SRPRB: variants seen among roughly 807,000 people sequenced by gnomAD.
SRPRB encodes signal recognition particle receptor subunit beta.
In SRPRB, 20 loss-of-function variants were observed where a neutral mutation model predicts 31.9. That is an observed-to-expected ratio of 0.63 (90% CI 0.44 to 0.91). The LOEUF (loss-of-function observed/expected upper bound fraction) is 0.91, where lower values mean the gene tolerates loss of function less well. Ranked by LOEUF, SRPRB falls within the 40% of genes least tolerant of loss-of-function variation. The pLI, the probability that SRPRB is intolerant of heterozygous loss-of-function variation, is 0.00. For synonymous variants in SRPRB, 146 were observed against 132.8 expected, an observed-to-expected ratio of 1.10 and a Z score of -0.68; for missense variants, 321 against 324.9, an observed-to-expected ratio of 0.99 and a Z score of 0.09.
downstream of SRPRB, chr3:133,821,510 CTT>C (rs953147828): frequency 6.6e-6 from 1 of 152,120 alleles, no homozygotes. Context: ...CTCTCAGCCT[CTT>C]TTATTTTTTT....
At position 133,820,378 on chromosome 3, in the gene SRPRB, G is replaced by C. The variant is rs1935450846; in HGVS notation, c.*612G>C. 6.5e-6 allele frequency: 1 copy of C among 153,912 alleles called. No individual in the cohort carries two copies. Among genetic ancestry groups the C allele is most frequent in the African/African-American group, 2.4e-5 (1 of 41,460 alleles). 9.5% of individuals were successfully genotyped at this position (153,912 alleles called of 1,614,324 possible). A position where few individuals can be genotyped will look rare whatever the true frequency, so the allele number is the denominator to read the frequency against. ...TCGTCTTAGCACTTACGTTTCAAAAGCTTGTCACAAACCCTTGGAGTCATT... is the reference window on the plus strand; with the variant it reads ...TCGTCTTAGCACTTACGTTTCAAAACCTTGTCACAAACCCTTGGAGTCATT... On this transcript the variant is annotated 3_prime_UTR_variant, in exon 7 of 7. Transcript: ENST00000678299.
At chr3:133,807,716 T>A in intron 2 of SRPRB, 30 bp from the exon 3 acceptor site, 1 of 1,494,604 alleles carries the variant, frequency 6.7e-7, no homozygotes, top group Non-Finnish European at 9.3e-7. Flanking sequence ...ATTAAAATGT[T>A]GAATATCACC....
At chr3:133,815,848 T>A (rs866578113) in intron 5 of SRPRB, 122 bp downstream of exon 5, 2 of 1,193,354 alleles carry the variant, frequency 1.7e-6, no homozygotes, top group Middle Eastern at 2.5e-4. Flanking sequence ...TAAAGAACTA[T>A]AAATTGAAGG....
intron 6 of SRPRB, among the ~76,000 whole-genome samples, chr3:133,817,916 A>G (rs1935394518): frequency 6.6e-6 from 1 of 152,254 alleles, no homozygotes. Context: ...CCTGCAAGCC[A>G]AGAGTAAATC....
upstream of SRPRB, chr3:133,805,736 A>G: frequency 2.1e-6 from 3 of 1,397,238 alleles, no homozygotes; most frequent in Non-Finnish European, 2.8e-6. Flanking sequence ...GCCGCGGCTG[A>G]GGGAGAGACT....
At chr3:133,791,036 A>T (rs1335286191) in intron 1 of SRPRB, 1 of 152,172 alleles carries the variant, frequency 6.6e-6, no homozygotes, top group African/African-American at 2.4e-5. Flanking sequence ...GTGTATGCAC[A>T]TATAAAATCA....
chr3:133,790,415 G>T (rs145864710), intron 1 of SRPRB: 238 of 152,232 alleles, frequency 1.6e-3, no homozygotes, highest in African/African-American at 5.6e-3. Context: ...GTGAGAAAAA[G>T]AATAATTTAG....
chr3:133,828,518 T>G (rs909246364), downstream of SRPRB: 19 of 479,336 alleles, frequency 4.0e-5, no homozygotes, highest in Non-Finnish European at 7.0e-5. Flanking sequence ...TTTAAATTTT[T>G]TTTAAATTTT....
chr3:133,822,137 TAGA>T (rs368662552), downstream of SRPRB, among the ~76,000 whole-genome samples: 41 of 150,824 alleles, frequency 2.7e-4, no homozygotes, highest in African/African-American at 9.5e-4. Flanking sequence ...GTGGCCAGAG[TAGA>T]AGGATGGATG....
chr3:133,806,927 ATATT>A (rs1935174516), intron 2 of SRPRB, among the ~76,000 whole-genome samples: 1 of 151,788 alleles, frequency 6.6e-6, no homozygotes, highest in African/African-American at 2.4e-5. Flanking sequence ...CCAGATGCTG[ATATT>A]TAGTCTTTAT....
chr3:133,801,278 CAAGAACT>C (rs998283825), upstream of SRPRB, among the ~76,000 whole-genome samples: 3 of 152,170 alleles, frequency 2.0e-5, no homozygotes, highest in Non-Finnish European at 4.4e-5. Flanking sequence ...CTATTGGAAT[CAAGAACT>C]AAAAACTTAT....
chr3:133,804,554 A>G (rs1425537595), upstream of SRPRB, among the ~76,000 whole-genome samples: 1 of 152,196 alleles, frequency 6.6e-6, no homozygotes, highest in Non-Finnish European at 1.5e-5. Flanking sequence ...TAGGTTGGAC[A>G]GGGAGTTGCT....
chr3:133,787,943 A>G (rs1352286880), intron 1 of SRPRB: 1 of 152,222 alleles, frequency 6.6e-6, no homozygotes, highest in Non-Finnish European at 1.5e-5. Context: ...GTGAAATGAT[A>G]ACATCAACCC....
At chr3:133,826,275 A>T (rs539954260), downstream of SRPRB, 4 of 152,266 alleles carry the variant, frequency 2.6e-5, no homozygotes, top group Non-Finnish European at 5.9e-5. Flanking sequence ...CACTAAGGCC[A>T]TGTCAAACCA....
At chr3:133,789,032 A>T (rs1263578187) in intron 1 of SRPRB, 2 of 152,278 alleles carry the variant, frequency 1.3e-5, no homozygotes, top group African/African-American at 4.8e-5. Context: ...CTGGAGGGAA[A>T]ATATGCAAAG....
intron 2 of SRPRB, among the ~76,000 whole-genome samples, chr3:133,806,927 A>G (rs1032463838): frequency 6.6e-6 from 1 of 151,788 alleles, no homozygotes; most frequent in East Asian, 1.9e-4. Flanking sequence ...CCAGATGCTG[A>G]TATTTAGTCT....
Position 133,807,650 on chromosome 3 carries a change from T to C in SRPRB, c.250-96T>C, listed in dbSNP as rs1935186656. 8 of 808,184 alleles carry C rather than the reference T, an allele frequency of 9.9e-6. No homozygotes were observed. In the South Asian group the frequency reaches 1.3e-4, roughly 13 times the overall value. 50.1% of individuals were successfully genotyped at this position (808,184 alleles called of 1,614,324 possible). ...TTCACCTGTCGGAAGCAGCATTCAT[T>C]TACTTAACCTTACACCTGGGAGACT... is the stretch of plus-strand genomic sequence containing the variant. On this transcript the variant is annotated intron_variant, in intron 2 of 6. Coordinates refer to ENST00000678299, the MANE Select transcript of SRPRB (RefSeq NM_001379313.1).
At chr3:133,791,205 G>A (rs555654393) in intron 1 of SRPRB, 3 of 152,244 alleles carry the variant, frequency 2.0e-5, no homozygotes, top group Non-Finnish European at 4.4e-5. Context: ...GAGCACACCA[G>A]CTTTTTAACC....
At chr3:133,799,915 C>T (rs973346756) in intron 1 of SRPRB, among the ~76,000 whole-genome samples, 2 of 152,186 alleles carry the variant, frequency 1.3e-5, no homozygotes, top group Non-Finnish European at 2.9e-5. Flanking sequence ...TTCTCATCTA[C>T]GTCACTGTAA....
Sources: gnomAD v4.1 joint callset for allele counts (sites outside exome capture counted in the v4.1 genomes callset) on GRCh38, gnomAD v4.1.1 for gene constraint, MANE v1.5 for transcripts, NCBI Gene and HGNC (gene_info 2026-07-23, HGNC 2026-07-21) for gene names.